Variants in HDAC8 observed in about 807,000 individuals in gnomAD.
HDAC8 encodes histone deacetylase 8.
In HDAC8, 1 loss-of-function variant was observed where a neutral mutation model predicts 32.2. That is an observed-to-expected ratio of 0.03 (90% CI 0.01 to 0.15). The LOEUF is 0.15. HDAC8 is among the 10% of genes least tolerant of loss of function. The probability of loss-of-function intolerance (pLI) is 1.00; values close to 1 mark genes in which losing one functional copy is unlikely to be tolerated. For synonymous variants in HDAC8, 108 were observed against 113.9 expected, an observed-to-expected ratio of 0.95 and a Z score of 0.33; for missense variants, 117 against 300.0, an observed-to-expected ratio of 0.39 and a Z score of 4.51.
intron 7 of HDAC8, among the ~76,000 whole-genome samples, chrX:72,465,437 G>C (rs1340252178): frequency 9.9e-6 from 1 of 100,727 alleles, no homozygotes; most frequent in Non-Finnish European, 2.0e-5. Flanking sequence ...TTTTTTTTTT[G>C]ATAGAACCCT....
At chrX:72,442,828 A>G (rs1198002908) in intron 9 of HDAC8, among the ~76,000 whole-genome samples, 1 of 111,341 alleles carries the variant, frequency 9.0e-6, no homozygotes, top group African/African-American at 3.3e-5. Context: ...TCAAAATAAA[A>G]GGATGGAGGA....
chrX:72,349,531 G>A (rs1555948088), intron 10 of HDAC8, among the ~76,000 whole-genome samples: 1 of 112,349 alleles, frequency 8.9e-6, no homozygotes, highest in South Asian at 3.7e-4. Context: ...ATTTCATTGG[G>A]TTACAATCAG....
chrX:72,403,469 A>G (rs1380125362), intron 9 of HDAC8, among the ~76,000 whole-genome samples: 1 of 111,703 alleles, frequency 9.0e-6, no homozygotes, highest in African/African-American at 3.3e-5. Flanking sequence ...ATACATCTAT[A>G]TAGGTTATGA....
intron 7 of HDAC8, among the ~76,000 whole-genome samples, chrX:72,488,241 TA>T (rs2048744647): frequency 9.0e-6 from 1 of 111,385 alleles, no homozygotes; most frequent in Admixed American, 9.6e-5. Flanking sequence ...CCCCGTTACT[TA>T]CCTTCAGTAA....
intron 10 of HDAC8, among the ~76,000 whole-genome samples, chrX:72,338,684 CAA>C (rs2043796362): frequency 2.1e-5 from 1 of 47,526 alleles, no homozygotes; most frequent in African/African-American, 5.7e-5. Flanking sequence ...TATATATATA[CAA>C]ATATATATAT....
intron 4 of HDAC8, among the ~76,000 whole-genome samples, chrX:72,540,054 T>C (rs1325209040): frequency 8.9e-6 from 1 of 111,771 alleles, no homozygotes; most frequent in Non-Finnish European, 1.9e-5. Flanking sequence ...ACTGGGGCTT[T>C]AGTGACTCCT....
At chrX:72,521,951 T>C in intron 4 of HDAC8, among the ~76,000 whole-genome samples, 1 of 111,695 alleles carries the variant, frequency 9.0e-6, no homozygotes, top group East Asian at 2.8e-4. Flanking sequence ...GTTCATGGCT[T>C]GCCACGGCCT....
intron 4 of HDAC8, among the ~76,000 whole-genome samples, chrX:72,565,264 T>C (rs2051736577): frequency 8.9e-6 from 1 of 112,238 alleles, no homozygotes; most frequent in Admixed American, 9.4e-5. Flanking sequence ...TATTTGCAGA[T>C]GGGAAGTTTA....
intron 9 of HDAC8, among the ~76,000 whole-genome samples, chrX:72,447,000 T>C (rs1231547171): frequency 3.6e-5 from 4 of 112,056 alleles, no homozygotes; most frequent in Non-Finnish European, 7.5e-5. Flanking sequence ...AGCCGAATTC[T>C]ACCAGAGGTA....
chrX:72,456,038 A>C (rs1555989450), intron 9 of HDAC8, among the ~76,000 whole-genome samples: 1 of 111,784 alleles, frequency 8.9e-6, no homozygotes, highest in African/African-American at 3.2e-5. Flanking sequence ...TCCCTTTTCC[A>C]ATTACATATC....
intron 9 of HDAC8, among the ~76,000 whole-genome samples, chrX:72,390,245 G>C (rs1288749901): frequency 3.6e-5 from 4 of 111,411 alleles, no homozygotes; most frequent in African/African-American, 9.8e-5. Context: ...TAGTCACCCT[G>C]TTGGCTAATT....
intron 1 of HDAC8, 55 bp downstream of exon 1, chrX:72,572,596 A>ACCCCCCCCCCC: frequency 6.3e-6 from 2 of 316,324 alleles, no homozygotes; most frequent in Non-Finnish European, 1.1e-5. Context: ...TCTTTCGTCC[A>ACCCCCCCCCCC]CCGCCCCCAC....
intron 4 of HDAC8, among the ~76,000 whole-genome samples, chrX:72,517,281 T>C (rs929058814): frequency 3.6e-5 from 4 of 112,045 alleles, no homozygotes; most frequent in African/African-American, 1.3e-4. Flanking sequence ...GTTATTTGTC[T>C]TTTCATCATT....
chrX:72,356,179 T>C (rs2044352960), intron 9 of HDAC8, among the ~76,000 whole-genome samples: 1 of 111,459 alleles, frequency 9.0e-6, no homozygotes, highest in South Asian at 3.8e-4. Flanking sequence ...GGAGCGGAGA[T>C]TTGAACTCAC....
intron 9 of HDAC8, among the ~76,000 whole-genome samples, chrX:72,368,689 C>T (rs1555955306): frequency 1.8e-5 from 2 of 112,582 alleles, no homozygotes; most frequent in African/African-American, 6.5e-5. Context: ...CTGGCCTACT[C>T]TGGCATCTTT....
At chrX:72,384,938 T>C (rs932532459) in intron 9 of HDAC8, among the ~76,000 whole-genome samples, 4 of 112,235 alleles carry the variant, frequency 3.6e-5, no homozygotes, top group African/African-American at 1.3e-4. Context: ...TTCTTTCACA[T>C]GTATCATATG....
intron 4 of HDAC8, among the ~76,000 whole-genome samples, chrX:72,524,933 C>G (rs781955452): frequency 8.9e-6 from 1 of 111,776 alleles, no homozygotes; most frequent in South Asian, 3.8e-4. Context: ...TTTTTGGCCT[C>G]AAGGGCTGGT....
chrX:72,381,079 C>T (rs964506518), intron 9 of HDAC8, among the ~76,000 whole-genome samples: 4 of 111,672 alleles, frequency 3.6e-5, no homozygotes, highest in Non-Finnish European at 5.6e-5. Context: ...TTATATCGTG[C>T]AGGAGCTTGC....
chrX:72,426,799 A>T (rs894596718), intron 9 of HDAC8, among the ~76,000 whole-genome samples: 1 of 110,345 alleles, frequency 9.1e-6, no homozygotes. Context: ...CCTAACCCCC[A>T]CTGTGACTAT....
Sources: allele counts gnomAD v4.1 joint callset (sites outside exome capture counted in the v4.1 genomes callset), GRCh38; gene constraint gnomAD v4.1.1; transcripts MANE v1.5; gene names NCBI Gene and HGNC (gene_info 2026-07-23, HGNC 2026-07-21).